The following SMC2 variants were observed in gnomAD, a reference collection of about 807,000 sequenced individuals.
The protein encoded by SMC2 is structural maintenance of chromosomes protein 2.
Under a neutral mutation model 142.6 loss-of-function variants are expected in SMC2, and 41 were observed. The observed-to-expected ratio is 0.29, with a 90% CI of 0.22 to 0.37. The LOEUF is 0.37. Among genes scored for constraint, SMC2 ranks in the 10% least tolerant of loss-of-function variants. The pLI, the probability that SMC2 is intolerant of heterozygous loss-of-function variation, is 1.00. For missense variants in SMC2, 1,265 were observed against 1,373.7 expected (o/e 0.92, Z 1.25); for synonymous variants, 463 against 457.5 (o/e 1.01, Z -0.15).
At position 104,139,356 on chromosome 9, in the gene SMC2, T is replaced by A; in HGVS notation, c.*41T>A. The stretch of plus-strand genomic sequence containing the variant: ...CTTCATCTTGACCTGTTTTTTTAAA[T>A]GTAAACTTTTAAGGACTTGAGATAA... On this transcript the variant is annotated 3_prime_UTR_variant, in exon 25 of 25. Coordinates refer to ENST00000374793, the MANE Select transcript of SMC2 (RefSeq NM_006444.3). 1 of 1,512,232 alleles carries A rather than the reference T, an allele frequency of 6.6e-7. No homozygotes were observed. The highest frequency in any genetic ancestry group is 8.9e-7 in the Non-Finnish European group (1 of 1,126,150). The allele number at this position is 1,512,232 out of a possible 1,614,324, so 93.7% of individuals were successfully genotyped here. A position where few individuals can be genotyped will look rare whatever the true frequency, so the allele number is the denominator to read the frequency against.
intron 16 of SMC2, 87 bp from the exon 17 acceptor site, chr9:104,123,021 A>T: frequency 7.3e-7 from 1 of 1,370,258 alleles, no homozygotes; most frequent in South Asian, 1.4e-5. Flanking sequence ...ATGTGAGTTT[A>T]TTTAAGGTAA....
intron 16 of SMC2, 126 bp from the exon 17 acceptor site, chr9:104,122,982 C>T (rs1249395980): frequency 7.7e-5 from 70 of 904,256 alleles, no homozygotes; most frequent in Non-Finnish European, 1.1e-4. Context: ...ATTCCTGTAA[C>T]CAGTAGCATC....
intron 19 of SMC2, 109 bp downstream of exon 19, chr9:104,126,893 G>C: frequency 9.2e-7 from 1 of 1,092,536 alleles, no homozygotes; most frequent in Non-Finnish European, 1.3e-6. Context: ...TCGTCATCAT[G>C]AGAGAATGAG....
chr9:104,131,329 A>G, intron 21 of SMC2, among the ~76,000 whole-genome samples: 1 of 152,182 alleles, frequency 6.6e-6, no homozygotes, highest in Non-Finnish European at 1.5e-5. Context: ...GTAAAAGACC[A>G]TATGGCCAGA....
At chr9:104,139,088 T>A (rs758048649) in intron 24 of SMC2, 51 bp from the exon 25 acceptor site, 7 of 1,307,262 alleles carry the variant, frequency 5.4e-6, no homozygotes, top group Non-Finnish European at 7.3e-6. Context: ...AGGAGTAAAC[T>A]TCAAGTATAT....
At chr9:104,136,607 A>ATTAAG (rs1298518558) in intron 23 of SMC2, among the ~76,000 whole-genome samples, 10 of 151,974 alleles carry the variant, frequency 6.6e-5, no homozygotes, top group African/African-American at 1.7e-4. Flanking sequence ...TTTTTTTAAG[A>ATTAAG]TTAAGTTTTA....
At chr9:104,089,446 G>A (rs1829961200), upstream of SMC2, among the ~76,000 whole-genome samples, 1 of 152,110 alleles carries the variant, frequency 6.6e-6, no homozygotes, top group Non-Finnish European at 1.5e-5. Flanking sequence ...CCATGCCAAG[G>A]AGAACTATGA....
chr9:104,111,683 G>C lies in SMC2; in HGVS notation c.1123G>C (p.Ala375Pro). Residue 375 changes from alanine (A) to proline (P), a missense_variant, in exon 10 of 25, where the codon GCT (alanine) becomes CCT (proline). By Grantham distance (27) the Ala-to-Pro change is conservative (BLOSUM62 -1). This residue lies in a region of SMC2 where 898 missense variants were observed against 904.2 expected (regional missense o/e 0.99). Coordinates refer to ENST00000374793, the MANE Select transcript of SMC2 (RefSeq NM_006444.3). ...ASNKDAEALAAAQQHFNAVSA... is the reference protein window; with the variant it reads ...ASNKDAEALAPAQQHFNAVSA... ...TAATAAAGATGCTGAAGCTCTGGCA[G>C]CTGCACAGCAGCACTTCAATGCTGT... The C allele has an allele frequency of 6.2e-7, 1 of 1,613,992 alleles. No homozygotes were observed. Among genetic ancestry groups the C allele is most frequent in the Non-Finnish European group, 8.5e-7 (1 of 1,179,866 alleles).
intron 23 of SMC2, among the ~76,000 whole-genome samples, chr9:104,137,345 T>C (rs549397004): frequency 1.3e-5 from 2 of 152,286 alleles, no homozygotes; most frequent in South Asian, 2.1e-4. Context: ...ATAATAATTA[T>C]GATTCTTCAT....
At chr9:104,124,224 C>T (rs1309487247) in intron 17 of SMC2, among the ~76,000 whole-genome samples, 1 of 152,118 alleles carries the variant, frequency 6.6e-6, no homozygotes, top group Non-Finnish European at 1.5e-5. Context: ...GTAGCTGGGA[C>T]TACAGGCGTG....
At position 104,099,964 on chromosome 9, in the gene SMC2, A is replaced by C. The variant is rs115938880; in HGVS notation, c.481-129A>C. On this transcript the variant is annotated intron_variant, in intron 5 of 24. Coordinates refer to ENST00000374793, the MANE Select transcript of SMC2 (RefSeq NM_006444.3). Reference sequence around the variant, plus strand: ...TGTGTGAAATTACTATATTTAACCTATATGGTTCATTTGGGCCAACTTTTG... The same window carrying C: ...TGTGTGAAATTACTATATTTAACCTCTATGGTTCATTTGGGCCAACTTTTG... 1.2e-3 allele frequency: 793 copies of C among 656,654 alleles called. 7 individuals are homozygous for C. The highest frequency in any genetic ancestry group is 0.012 in the African/African-American group (627 of 53,114). 40.7% of individuals were successfully genotyped at this position (656,654 alleles called of 1,614,324 possible).
rs147783245 is a variant in SMC2 at position 104,105,064 on chromosome 9, A to G, written c.1020+2491A>G. On this transcript the variant is annotated intron_variant, in intron 9 of 24. Coordinates refer to ENST00000374793, the MANE Select transcript of SMC2 (RefSeq NM_006444.3). ...GCAGGAAGTGTTGGCAATCGCATGT[A>G]TTCTTCCCACTTGTGCTAACAGGTT... 3.2e-3 allele frequency among the ~76,000 whole-genome samples: 494 copies of G among 152,328 alleles called. 2 individuals carry two copies. The highest frequency in any genetic ancestry group is 4.9e-3 in the Non-Finnish European group (333 of 68,010).
At chr9:104,095,065 T>G (rs1830307117) in intron 1 of SMC2, among the ~76,000 whole-genome samples, 1 of 151,954 alleles carries the variant, frequency 6.6e-6, no homozygotes, top group Admixed American at 6.6e-5. Flanking sequence ...TTAGGTAGAG[T>G]ATGATAAAAG....
At position 104,134,608 on chromosome 9, in the gene SMC2, ATTCCTCTT is replaced by A. The variant is rs768504348; in HGVS notation, c.3269+35_3269+42del. 560 of 1,410,388 alleles carry A rather than the reference ATTCCTCTT, an allele frequency of 4.0e-4. 5 individuals are homozygous for A. The highest frequency in any genetic ancestry group is 8.2e-4 in the South Asian group (58 of 70,672). The allele number at this position is 1,410,388 out of a possible 1,614,324, so 87.4% of individuals were successfully genotyped here. ...ATCACTTTGCTATATTATAATTTTC[ATTCCTCTT>A]TATTATAATTCATCTCCTTACCTTA... On this transcript the variant is annotated intron_variant, in intron 23 of 24. Transcript: ENST00000374793.
At chr9:104,138,515 T>C (rs531707731) in intron 24 of SMC2, among the ~76,000 whole-genome samples, 4 of 152,320 alleles carry the variant, frequency 2.6e-5, no homozygotes, top group African/African-American at 9.6e-5. Context: ...AACTGAGGTA[T>C]CAGAAAATCA....
In SMC2 at chr9:104,123,106, A is replaced by G. The variant is rs1350955645; in HGVS notation, c.2133-2A>G. 1 of 1,597,354 alleles carries G rather than the reference A, an allele frequency of 6.3e-7. No homozygotes were observed. The highest frequency in any genetic ancestry group is 1.4e-5 in the African/African-American group (1 of 73,808). The stretch of plus-strand genomic sequence containing the variant: ...TTTCTTACATGTTTCTGTTTTTGTA[A>G]GGTATCGCCAACTAAAACAGCAGTG... On this transcript the variant is annotated splice_acceptor_variant, in intron 16 of 24. Transcript: ENST00000374793. LOFTEE classifies it high-confidence loss of function.
At position 104,136,013 on chromosome 9, in the gene SMC2, C is replaced by T. The variant is rs73665506; in HGVS notation, c.3269+1438C>T. 4.4e-3 allele frequency: 2,070 copies of T among 475,088 alleles called. 52 individuals are homozygous for T. Among genetic ancestry groups the T allele is most frequent in the African/African-American group, 0.037 (1,861 of 50,268 alleles). The allele number at this position is 475,088 out of a possible 1,614,324, so 29.4% of individuals were successfully genotyped here. A position where few individuals can be genotyped will look rare whatever the true frequency, so the allele number is the denominator to read the frequency against. On this transcript the variant is annotated intron_variant, in intron 23 of 24. Transcript: ENST00000374793. ...TGGAGTTCAGGGAAGTTTCTCCTGA[C>T]CTTACACAGTGATTCAGAAAATCAG...
rs1479185113 is a variant in SMC2, at chr9:104,140,481, T to A, written c.*1166T>A. On this transcript the variant is annotated 3_prime_UTR_variant, in exon 25 of 25. Coordinates refer to ENST00000374793, the MANE Select transcript of SMC2 (RefSeq NM_006444.3). ...GGCCCCACATCTCTTCTTGATTTTT[T>A]AGTCTTATTTCCTTAGTGTTATTAT... The A allele has an allele frequency of 6.6e-6, 1 of 152,460 alleles. No individual in the cohort carries two copies. Among genetic ancestry groups the A allele is most frequent in the Non-Finnish European group, 1.5e-5 (1 of 68,020 alleles). The allele number at this position is 152,460 out of a possible 1,614,324, so 9.4% of individuals were successfully genotyped here.
At chr9:104,123,337 A>G (rs1833935239) in intron 17 of SMC2, 105 bp downstream of exon 17, 1 of 1,112,670 alleles carries the variant, frequency 9.0e-7, no homozygotes, top group Non-Finnish European at 1.2e-6. Flanking sequence ...TATATGATAA[A>G]GTTTATTTAG....
Sources: allele counts gnomAD v4.1 joint callset (sites outside exome capture counted in the v4.1 genomes callset), GRCh38; gene constraint gnomAD v4.1.1; regional missense constraint gnomAD v4.1.1; transcripts MANE v1.5; gene names NCBI Gene and HGNC (gene_info 2026-07-23, HGNC 2026-07-21).